DEPTOR: variants seen among roughly 807,000 people sequenced by gnomAD.
The protein encoded by DEPTOR is DEP domain-containing mTOR-interacting protein.
In DEPTOR, 41 loss-of-function variants were observed where a neutral mutation model predicts 41.6. That is an observed-to-expected ratio of 0.98 (90% CI 0.77 to 1.28). DEPTOR has a LOEUF of 1.28. Among genes scored for constraint, DEPTOR ranks in the 50% most tolerant of loss-of-function variants. DEPTOR has a pLI of 0.00. For synonymous variants in DEPTOR, 195 were observed against 192.3 expected, an observed-to-expected ratio of 1.01 and a Z score of -0.12; for missense variants, 514 against 527.9, an observed-to-expected ratio of 0.97 and a Z score of 0.26.
chr8:120,030,509 T>G (rs1001523000), intron 8 of DEPTOR, among the ~76,000 whole-genome samples: 2 of 127,018 alleles, frequency 1.6e-5, no homozygotes, highest in South Asian at 3.3e-4. Context: ...TTTTTTTTTT[T>G]TTTTTTTTTT....
chr8:119,975,134 C>T (rs1363594582), intron 4 of DEPTOR, among the ~76,000 whole-genome samples: 1 of 148,174 alleles, frequency 6.7e-6, no homozygotes, highest in Non-Finnish European at 1.5e-5. Context: ...AATCCCATCT[C>T]TAAAAAAAAA....
chr8:119,999,837 G>C (rs778023257), intron 4 of DEPTOR, among the ~76,000 whole-genome samples: 5 of 152,192 alleles, frequency 3.3e-5, no homozygotes, highest in Non-Finnish European at 5.9e-5. Flanking sequence ...GGAGGCCATA[G>C]AGGGGAAACA....
At chr8:119,881,334 C>T (rs544096940) in intron 1 of DEPTOR, among the ~76,000 whole-genome samples, 1 of 152,074 alleles carries the variant, frequency 6.6e-6, no homozygotes, top group East Asian at 1.9e-4. Flanking sequence ...CCAGCCTGGC[C>T]AACATAGTGA....
intron 4 of DEPTOR, among the ~76,000 whole-genome samples, chr8:119,984,532 T>C (rs889105147): frequency 2.6e-5 from 4 of 152,156 alleles, no homozygotes; most frequent in African/African-American, 9.7e-5. Context: ...GGTTTTCTGT[T>C]CCTGTGTTAG....
chr8:120,013,953 C>T (rs542002063), intron 8 of DEPTOR, among the ~76,000 whole-genome samples: 7 of 152,026 alleles, frequency 4.6e-5, no homozygotes, highest in Admixed American at 2.6e-4. Context: ...GATTCTCCTG[C>T]CTCAGCCTCC....
intron 3 of DEPTOR, among the ~76,000 whole-genome samples, chr8:119,935,015 T>C (rs1472159261): frequency 1.3e-5 from 2 of 152,036 alleles, no homozygotes; most frequent in Non-Finnish European, 2.9e-5. Context: ...GAGTGTGTGC[T>C]TATGGATTGA....
At chr8:119,891,513 C>T (rs1470238747) in intron 1 of DEPTOR, among the ~76,000 whole-genome samples, 1 of 152,098 alleles carries the variant, frequency 6.6e-6, no homozygotes, top group Non-Finnish European at 1.5e-5. Flanking sequence ...TGTTAGTGTA[C>T]ATTTTGTTCT....
At chr8:120,026,229 T>A (rs1165350854) in intron 8 of DEPTOR, among the ~76,000 whole-genome samples, 1 of 151,890 alleles carries the variant, frequency 6.6e-6, no homozygotes, top group Non-Finnish European at 1.5e-5. Flanking sequence ...ATTTCGTGGA[T>A]TGCTGTAGCA....
In DEPTOR at chr8:119,916,266, ATTT is replaced by A. The variant is rs71304925; in HGVS notation, c.123-12100_123-12098del. On this transcript the variant is annotated intron_variant, in intron 1 of 8. Transcript: ENST00000286234. ...AGGCACATGCCACCAGGCTAGGCTAATTTTTTTTTTTTTTTTTTTTTTTTTTTT... is the reference window on the plus strand; with the variant it reads ...AGGCACATGCCACCAGGCTAGGCTAATTTTTTTTTTTTTTTTTTTTTTTTT... Among the ~76,000 whole-genome samples the A allele has an allele frequency of 3.9e-3, 477 of 123,236 alleles. 18 individuals are homozygous for A. The highest frequency in any genetic ancestry group is 6.3e-3 in the South Asian group (23 of 3,678). The allele number at this position is 123,236 out of a possible 152,430, so 80.8% of individuals were successfully genotyped here.
intron 4 of DEPTOR, among the ~76,000 whole-genome samples, chr8:119,975,870 C>CTTTTTTT (rs34482727): frequency 1.5e-5 from 1 of 65,268 alleles, no homozygotes; most frequent in African/African-American, 6.5e-5. Context: ...ATGCTTGCTC[C>CTTTTTTT]TTTTTTTTTT....
At chr8:119,980,513 C>CTTTTCTTTTCTTTTCTTT (rs756119836) in intron 4 of DEPTOR, among the ~76,000 whole-genome samples, 1 of 87,796 alleles carries the variant, frequency 1.1e-5, no homozygotes, top group African/African-American at 4.0e-5. Context: ...CTTTTCTTTT[C>CTTTTCTTTTCTTTTCTTT]TCTCTTTGTG....
intron 4 of DEPTOR, among the ~76,000 whole-genome samples, chr8:119,986,712 G>A (rs1046795904): frequency 6.6e-5 from 10 of 151,864 alleles, no homozygotes; most frequent in African/African-American, 2.4e-4. Flanking sequence ...ATTTCTTGGA[G>A]GCTATGTTTG....
chr8:120,034,778 G>T (rs1586668070), intron 8 of DEPTOR, among the ~76,000 whole-genome samples: 1 of 152,106 alleles, frequency 6.6e-6, no homozygotes, highest in East Asian at 1.9e-4. Context: ...ACTGCATCTT[G>T]TTTAGTACTT....
chr8:119,900,606 C>T (rs10093230), intron 1 of DEPTOR, among the ~76,000 whole-genome samples: 75,397 of 151,336 alleles, frequency 0.5, 20,474 homozygotes, highest in East Asian at 0.92. Context: ...CCAGGTTGAT[C>T]TGGAACTCCT....
At chr8:120,013,582 C>CA (rs1417876309) in intron 8 of DEPTOR, among the ~76,000 whole-genome samples, 1 of 152,176 alleles carries the variant, frequency 6.6e-6, no homozygotes, top group East Asian at 1.9e-4. Flanking sequence ...CCCACTTGGG[C>CA]ACTGATTAAC....
chr8:120,050,507 AC>A lies in DEPTOR; in HGVS notation c.*806del, dbSNP rs541809921. ...TGTATATACACATAATTAAAAATCAACCCTTCTGGCAAGATTTCACTTTGAA... is the reference window on the plus strand; with the variant it reads ...TGTATATACACATAATTAAAAATCAACCTTCTGGCAAGATTTCACTTTGAA... On this transcript the variant is annotated 3_prime_UTR_variant, in exon 9 of 9. Coordinates refer to ENST00000286234, the MANE Select transcript of DEPTOR (RefSeq NM_022783.4). 118 of 152,310 alleles carry A rather than the reference AC, an allele frequency of 7.7e-4. No homozygotes were observed. Among genetic ancestry groups the A allele is most frequent in the African/African-American group, 2.7e-3 (112 of 41,560 alleles). The allele number at this position is 152,310 out of a possible 1,614,324, so 9.4% of individuals were successfully genotyped here.
intron 8 of DEPTOR, among the ~76,000 whole-genome samples, chr8:120,035,268 G>A (rs1040462254): frequency 7.2e-5 from 11 of 151,938 alleles, no homozygotes; most frequent in African/African-American, 2.7e-4. Context: ...TGCAGTGAGC[G>A]GAGATGGCAC....
Position 119,976,077 on chromosome 8 carries a change from G to A in DEPTOR, c.604+10667G>A, listed in dbSNP as rs190655335. On this transcript the variant is annotated intron_variant, in intron 4 of 8. Transcript: ENST00000286234. ...GGGTTTCACCATATTGGCCAGGCTG[G>A]TCTTGAACTCCTGACCTCAGGCAAT... Among the ~76,000 whole-genome samples, 8 of 151,736 alleles carry A rather than the reference G, an allele frequency of 5.3e-5. No homozygotes were observed. In the East Asian group the frequency reaches 1.2e-3, roughly 22 times the overall value.
intron 8 of DEPTOR, among the ~76,000 whole-genome samples, chr8:120,041,535 A>C (rs1162064260): frequency 6.6e-6 from 1 of 150,720 alleles, no homozygotes; most frequent in Non-Finnish European, 1.5e-5. Flanking sequence ...TTAGGTTCTT[A>C]TAACTTTTTT....
Sources: allele counts gnomAD v4.1 joint callset (sites outside exome capture counted in the v4.1 genomes callset), GRCh38; gene constraint gnomAD v4.1.1; transcripts MANE v1.5; gene names NCBI Gene and HGNC (gene_info 2026-07-23, HGNC 2026-07-21).